Variants in PCDHGA6 observed in about 807,000 individuals in gnomAD.
PCDHGA6 encodes the protein protocadherin gamma subfamily A, 6.
In PCDHGA6, 41 loss-of-function variants were observed where a neutral mutation model predicts 60.6. The ratio of observed to expected loss-of-function variants is 0.68; its 90% CI spans 0.53 to 0.88. PCDHGA6 has a LOEUF of 0.88. Among genes scored for constraint, PCDHGA6 ranks in the 40% least tolerant of loss-of-function variants. The pLI, the probability that PCDHGA6 is intolerant of heterozygous loss-of-function variation, is 0.00. For missense variants in PCDHGA6, 1,312 were observed against 1,203.0 expected (o/e 1.09, Z -1.34); for synonymous variants, 594 against 524.4 (o/e 1.13, Z -1.81).
At chr5:141,395,085 T>C (rs2093165281) in intron 1 of PCDHGA6, 1 of 1,614,026 alleles carries the variant, frequency 6.2e-7, no homozygotes, top group South Asian at 1.1e-5. Flanking sequence ...CCAGGAAGTC[T>C]CCCTCACCGC....
At chr5:141,395,111 T>G in intron 1 of PCDHGA6, 1 of 1,613,670 alleles carries the variant, frequency 6.2e-7, no homozygotes, top group Middle Eastern at 1.7e-4. Flanking sequence ...CGCGGAAGAG[T>G]CACCTGATCT....
chr5:141,423,610 G>GT, intron 1 of PCDHGA6: 1 of 1,611,424 alleles, frequency 6.2e-7, no homozygotes, highest in African/African-American at 1.3e-5. Context: ...ACTCTTGATA[G>GT]CTGAAGACTC....
intron 1 of PCDHGA6, chr5:141,430,745 T>C (rs377018529): frequency 1.3e-4 from 191 of 1,499,634 alleles, no homozygotes; most frequent in Non-Finnish European, 1.7e-4. Context: ...AAAATAATTC[T>C]GGAGGAAGAT....
intron 1 of PCDHGA6, chr5:141,393,977 T>TA: frequency 6.2e-7 from 1 of 1,613,870 alleles, no homozygotes; most frequent in Non-Finnish European, 8.5e-7. Flanking sequence ...ACACACGTGA[T>TA]AATTTACCTT....
intron 1 of PCDHGA6, chr5:141,407,918 C>T (rs890872713): frequency 1.1e-5 from 5 of 472,514 alleles, no homozygotes. Context: ...GGGCTGCTGT[C>T]CCGCACGGAG....
chr5:141,477,845 G>A lies in PCDHGA6; in HGVS notation c.2425-16962G>A, dbSNP rs1164464559. On this transcript the variant is annotated intron_variant, in intron 1 of 3. Transcript: ENST00000517434. This position sits in a 1 kb window ranked among gnomAD's most constrained non-coding sequence, Gnocchi z 4.9. ...ATATCCTCGGCCAGGTGGGAGCTCGGTGGAGATGCTGCCTCGAGGTACCTC... is the reference window on the plus strand; with the variant it reads ...ATATCCTCGGCCAGGTGGGAGCTCGATGGAGATGCTGCCTCGAGGTACCTC... 11 of 1,614,040 alleles carry A rather than the reference G, an allele frequency of 6.8e-6. No individual in the cohort carries two copies. The highest frequency in any genetic ancestry group is 9.3e-6 in the Non-Finnish European group (11 of 1,180,036).
chr5:141,389,560 G>C (rs1323439261), intron 1 of PCDHGA6: 2 of 1,613,106 alleles, frequency 1.2e-6, no homozygotes, highest in South Asian at 1.1e-5. Context: ...AATGCGCCAC[G>C]GGTGCTGTAC....
intron 1 of PCDHGA6, chr5:141,478,781 A>G: frequency 6.7e-7 from 1 of 1,485,388 alleles, no homozygotes; most frequent in Non-Finnish European, 9.0e-7. Flanking sequence ...TGTGGACCTA[A>G]TTCACATCCT....
At chr5:141,427,635 C>T in intron 1 of PCDHGA6, 1 of 706,280 alleles carries the variant, frequency 1.4e-6, no homozygotes, top group African/African-American at 1.7e-5. Context: ...TCCGGTTTTC[C>T]ACCAAGTCTC....
rs1019219811 is a variant in PCDHGA6, at chr5:141,420,399, T to G, written c.2424+43892T>G. ...AGAGTTCGCAAAATATAGGTCAAAT[T>G]TATGGTTATCATTATTAAAACAAAA... On this transcript the variant is annotated intron_variant, in intron 1 of 3. Transcript: ENST00000517434. 5.6e-6 allele frequency: 7 copies of G among 1,257,080 alleles called. No individual in the cohort carries two copies. In the Admixed American group the frequency reaches 1.8e-4, roughly 32 times the overall value. 77.9% of individuals were successfully genotyped at this position (1,257,080 alleles called of 1,614,324 possible).
intron 1 of PCDHGA6, among the ~76,000 whole-genome samples, chr5:141,461,267 T>C (rs2099012147): frequency 6.6e-6 from 1 of 152,140 alleles, no homozygotes; most frequent in Admixed American, 6.6e-5. Flanking sequence ...AATGTGTAAG[T>C]GTTCTCTTTT....
At position 141,375,377 on chromosome 5, in the gene PCDHGA6, C is replaced by CT; in HGVS notation, c.1295dup (p.Ser433ValfsTer31). ...AGCCACGGACAAAGGAACACCACCT[C>CT]TGTCTACAGAAACAATCATCTCTCT... On this transcript the variant is annotated frameshift_variant, in exon 1 of 4. Coordinates refer to ENST00000517434, the MANE Select transcript of PCDHGA6 (RefSeq NM_018919.3). LOFTEE classifies it high-confidence loss of function. 1.2e-6 allele frequency: 2 copies of CT among 1,613,940 alleles called. No individual in the cohort carries two copies. Among genetic ancestry groups the CT allele is most frequent in the South Asian group, 2.2e-5 (2 of 91,086 alleles).
chr5:141,453,997 A>C (rs1332821058), intron 1 of PCDHGA6, among the ~76,000 whole-genome samples: 2 of 152,242 alleles, frequency 1.3e-5, no homozygotes, highest in Non-Finnish European at 2.9e-5. Context: ...TGATAAACCC[A>C]CATAACATTT....
intron 1 of PCDHGA6, among the ~76,000 whole-genome samples, chr5:141,434,518 T>C (rs2097700303): frequency 6.6e-6 from 1 of 152,188 alleles, no homozygotes; most frequent in Admixed American, 6.5e-5. Flanking sequence ...CTTAAAGGTG[T>C]TCTTAAACCA....
Position 141,431,054 on chromosome 5 carries a change from G to T in PCDHGA6, c.2424+54547G>T. 6.2e-7 allele frequency: 1 copy of T among 1,614,198 alleles called. No individual in the cohort carries two copies. The highest frequency in any genetic ancestry group is 8.5e-7 in the Non-Finnish European group (1 of 1,180,004). ...AGACCGGGAGGAGCTCTGTATGGGG[G>T]CCATCAAGTGTCAATTAAATCTAGA... On this transcript the variant is annotated intron_variant, in intron 1 of 3. Transcript: ENST00000517434. This position sits in a 1 kb window ranked among gnomAD's most constrained non-coding sequence, Gnocchi z 4.8.
chr5:141,487,361 A>C lies in PCDHGA6; in HGVS notation c.2425-7446A>C. On this transcript the variant is annotated intron_variant, in intron 1 of 3. Transcript: ENST00000517434. This position sits in a 1 kb window ranked among gnomAD's most constrained non-coding sequence, Gnocchi z 5.0. ...TGGAGTCACATGCTTTCCTGCTGGC[A>C]CCTGTGCCTGTCTCACCAGATCTCG... The C allele has an allele frequency of 1.2e-6, 2 of 1,613,834 alleles. No individual in the cohort carries two copies. Among genetic ancestry groups the C allele is most frequent in the East Asian group, 2.2e-5 (1 of 44,860 alleles).
chr5:141,496,338 G>A (rs1011495959), intron 2 of PCDHGA6, among the ~76,000 whole-genome samples: 5 of 152,230 alleles, frequency 3.3e-5, no homozygotes, highest in African/African-American at 9.6e-5. Flanking sequence ...TCAGGAGCCT[G>A]GAGGAGTCTC....
chr5:141,497,003 A>C (rs928317358), intron 2 of PCDHGA6, among the ~76,000 whole-genome samples: 2 of 152,148 alleles, frequency 1.3e-5, no homozygotes, highest in African/African-American at 4.8e-5. Context: ...CTGGCAGCCA[A>C]CATGGTGAAA....
chr5:141,454,628 AC>A (rs1272822911), intron 1 of PCDHGA6, among the ~76,000 whole-genome samples: 2 of 151,334 alleles, frequency 1.3e-5, no homozygotes, highest in Non-Finnish European at 2.9e-5. Context: ...CTGGTCTCGA[AC>A]CCCCAACCTC....
Sources: gnomAD v4.1 joint callset for allele counts (sites outside exome capture counted in the v4.1 genomes callset) on GRCh38, gnomAD v4.1.1 for gene constraint, Gnocchi (gnomAD v3.1) non-coding constraint, MANE v1.5 for transcripts, NCBI Gene and HGNC (gene_info 2026-07-23, HGNC 2026-07-21) for gene names.